Variants in KIAA1958 observed in about 807,000 individuals in gnomAD.
The protein encoded by KIAA1958 is KIAA1958.
In KIAA1958, 14 loss-of-function variants were observed where a neutral mutation model predicts 47.2. The observed-to-expected ratio is 0.30, with a 90% CI of 0.20 to 0.46. KIAA1958 has a LOEUF of 0.46. Ranked by LOEUF, KIAA1958 falls within the 20% of genes least tolerant of loss-of-function variation. KIAA1958 has a pLI of 1.00. For missense variants in KIAA1958, 803 were observed against 909.2 expected, an observed-to-expected ratio of 0.88 and a Z score of 1.50; for synonymous variants, 354 against 353.3, an observed-to-expected ratio of 1.00 and a Z score of -0.02.
intron 2 of KIAA1958, among the ~76,000 whole-genome samples, chr9:112,592,976 CTGTT>C (rs1289102406): frequency 2.0e-5 from 3 of 152,110 alleles, no homozygotes; most frequent in African/African-American, 4.8e-5. Context: ...AGAAAAAAAG[CTGTT>C]TGTTTTAGTA....
At chr9:112,575,288 C>T (rs886447992) in intron 2 of KIAA1958, 37 bp downstream of exon 2, 19 of 1,401,380 alleles carry the variant, frequency 1.4e-5, no homozygotes, top group East Asian at 2.3e-5. Flanking sequence ...CCCTCATCCA[C>T]GCACGCCAGA....
At chr9:112,578,055 G>T (rs985887015) in intron 2 of KIAA1958, among the ~76,000 whole-genome samples, 12 of 152,066 alleles carry the variant, frequency 7.9e-5, no homozygotes, top group Non-Finnish European at 1.2e-4. Context: ...CTCGGGAAGG[G>T]TATCATATTG....
In KIAA1958 at chr9:112,659,898, C is replaced by T. The variant is rs751874597; in HGVS notation, c.1980C>T (p.Ala660=). 1 of 1,614,160 alleles carries T rather than the reference C, an allele frequency of 6.2e-7. No individual in the cohort carries two copies. The highest frequency in any genetic ancestry group is 1.1e-5 in the South Asian group (1 of 91,070). Residue 660 remains alanine, a synonymous_variant, in exon 4 of 4, where the codon GCC becomes GCT. Transcript: ENST00000337530. ...TCTACCTGACTGCCAGGAAGGAGGC[C>T]ACAGACATGGGCAGCGTGTGGTATG... ...SPFYLTARKE[A]TDMGSVWYEE... is the part of the protein sequence containing the mutation.
intron 2 of KIAA1958, among the ~76,000 whole-genome samples, chr9:112,619,366 CAAGAG>C (rs1253764653): frequency 1.3e-5 from 2 of 152,088 alleles, no homozygotes; most frequent in Non-Finnish European, 2.9e-5. Context: ...CTATATTAAT[CAAGAG>C]GAGACATTAA....
In KIAA1958 at chr9:112,665,040, A is replaced by G. The variant is rs1369697860; in HGVS notation, c.*4971A>G. Reference sequence around the variant, plus strand: ...GTTGCGCTCAATTAAAGTGCTTATTATTTAGCTAAAACAACTTATATGGAA... The same window carrying G: ...GTTGCGCTCAATTAAAGTGCTTATTGTTTAGCTAAAACAACTTATATGGAA... On this transcript the variant is annotated 3_prime_UTR_variant, in exon 4 of 4. Coordinates refer to ENST00000337530, the MANE Select transcript of KIAA1958 (RefSeq NM_133465.4). 1 of 152,116 alleles carries G rather than the reference A, an allele frequency of 6.6e-6. No homozygotes were observed. Among genetic ancestry groups the G allele is most frequent in the Admixed American group, 6.5e-5 (1 of 15,280 alleles). The allele number at this position is 152,116 out of a possible 1,614,324, so 9.4% of individuals were successfully genotyped here. A position where few individuals can be genotyped will look rare whatever the true frequency, so the allele number is the denominator to read the frequency against.
At chr9:112,492,667 A>G (rs1195910581) in intron 1 of KIAA1958, among the ~76,000 whole-genome samples, 1 of 152,222 alleles carries the variant, frequency 6.6e-6, no homozygotes, top group African/African-American at 2.4e-5. Flanking sequence ...CATTAAAAAT[A>G]AAGTAGCTAA....
rs1376598138 is a variant in KIAA1958 at position 112,659,695 on chromosome 9, C to T, written c.1777C>T (p.Pro593Ser). 1 of 1,614,186 alleles carries T rather than the reference C, an allele frequency of 6.2e-7. No homozygotes were observed. The highest frequency in any genetic ancestry group is 1.1e-5 in the South Asian group (1 of 91,082). ...IELLKDPQNQ[P>S]YFARTDSVKR... The stretch of plus-strand genomic sequence containing the variant: ...GCTGCTCAAAGACCCCCAAAACCAG[C>T]CCTACTTTGCCCGGACGGACAGCGT... Residue 593 changes from proline to serine, a missense_variant, in exon 4 of 4, where the codon CCC becomes TCC. Transcript: ENST00000337530.
At chr9:112,488,045 G>T (rs1833899318) in intron 1 of KIAA1958, among the ~76,000 whole-genome samples, 1 of 151,688 alleles carries the variant, frequency 6.6e-6, no homozygotes, top group South Asian at 2.1e-4. Flanking sequence ...ATCCTCTCCC[G>T]ACGAAATAAA....
intron 2 of KIAA1958, among the ~76,000 whole-genome samples, chr9:112,604,898 A>T (rs982432340): frequency 6.8e-6 from 1 of 148,020 alleles, no homozygotes; most frequent in Non-Finnish European, 1.5e-5. Flanking sequence ...TATATATATA[A>T]TAAATATTTT....
chr9:112,579,706 T>A (rs1354196014), intron 2 of KIAA1958, among the ~76,000 whole-genome samples: 1 of 152,272 alleles, frequency 6.6e-6, no homozygotes, highest in East Asian at 1.9e-4. Flanking sequence ...CTAAGTCATT[T>A]AATATGCTTT....
At chr9:112,536,525 A>AG (rs1834857946) in intron 1 of KIAA1958, among the ~76,000 whole-genome samples, 1 of 152,198 alleles carries the variant, frequency 6.6e-6, no homozygotes, top group Non-Finnish European at 1.5e-5. Context: ...AAGGATGGGT[A>AG]AATAGACCAA....
rs1837295028 is a variant in KIAA1958 at position 112,662,539 on chromosome 9, A to C, written c.*2470A>C. 1 of 152,420 alleles carries C rather than the reference A, an allele frequency of 6.6e-6. No individual in the cohort carries two copies. Among genetic ancestry groups the C allele is most frequent in the Non-Finnish European group, 1.5e-5 (1 of 68,192 alleles). 9.4% of individuals were successfully genotyped at this position (152,420 alleles called of 1,614,324 possible). ...GGCCTGGCGCGTGGCTCACGCCTAT[A>C]ATCCCAGCACTTTGGGAGGCCAAGG... is the stretch of plus-strand genomic sequence containing the variant. On this transcript the variant is annotated 3_prime_UTR_variant, in exon 4 of 4. Transcript: ENST00000337530.
rs745805478 is a variant in KIAA1958 at position 112,560,198 on chromosome 9, C to CTTTTTTTTT, written c.-24-13858_-24-13850dup. ...TTGAAGCTGCTTTTTTTTTCTTTTT[C>CTTTTTTTTT]TTTTTTTTTCTTTTTTTGAAGAGAT... On this transcript the variant is annotated intron_variant, in intron 1 of 3. Transcript: ENST00000337530. 1.1e-4 allele frequency among the ~76,000 whole-genome samples: 12 copies of CTTTTTTTTT among 108,660 alleles called. 2 individuals carry two copies. The highest frequency in any genetic ancestry group is 2.4e-4 in the East Asian group (1 of 4,218). The allele number at this position is 108,660 out of a possible 152,430, so 71.3% of individuals were successfully genotyped here.
chr9:112,563,081 C>CTATATA (rs1357997391), intron 1 of KIAA1958, among the ~76,000 whole-genome samples: 106 of 78,724 alleles, frequency 1.3e-3, no homozygotes, highest in African/African-American at 5.7e-3. Flanking sequence ...CTCTCTCTCT[C>CTATATA]TCTCTATATA....
At chr9:112,615,379 C>T (rs894659132) in intron 2 of KIAA1958, among the ~76,000 whole-genome samples, 6 of 141,972 alleles carry the variant, frequency 4.2e-5, no homozygotes, top group Non-Finnish European at 9.0e-5. Context: ...AAGATCATGC[C>T]ATTGCACTCC....
In KIAA1958 at chr9:112,657,988, C is replaced by T. The variant is rs956511512; in HGVS notation, c.1345-1275C>T. Among the ~76,000 whole-genome samples, 3 of 152,162 alleles carry T rather than the reference C, an allele frequency of 2.0e-5. No individual in the cohort carries two copies. The South Asian group carries it at 6.2e-4, about 32-fold the overall frequency. ...TCTCCTGCCTCAGTCTCCCAAGTAG[C>T]TGGGACTACAGGCACACACAACCAT... On this transcript the variant is annotated intron_variant, in intron 3 of 3. Coordinates refer to ENST00000337530, the MANE Select transcript of KIAA1958 (RefSeq NM_133465.4).
intron 1 of KIAA1958, among the ~76,000 whole-genome samples, chr9:112,532,977 TA>T (rs928775122): frequency 6.8e-4 from 104 of 152,060 alleles, no homozygotes; most frequent in African/African-American, 2.3e-3. Flanking sequence ...TTTAAATGTA[TA>T]TTTTTTTTTC....
intron 2 of KIAA1958, among the ~76,000 whole-genome samples, chr9:112,638,284 C>T (rs535579789): frequency 2.6e-5 from 4 of 152,212 alleles, no homozygotes; most frequent in East Asian, 1.9e-4. Flanking sequence ...GCAGGCAAAT[C>T]GGTTGAAGCC....
At chr9:112,632,357 TATTTA>T (rs1164674150) in intron 2 of KIAA1958, among the ~76,000 whole-genome samples, 2 of 150,568 alleles carry the variant, frequency 1.3e-5, no homozygotes, top group Non-Finnish European at 2.9e-5. Context: ...TATGCACAAT[TATTTA>T]ATTATTCATC....
Sources: allele counts gnomAD v4.1 joint callset (sites outside exome capture counted in the v4.1 genomes callset), GRCh38; gene constraint gnomAD v4.1.1; transcripts MANE v1.5; gene names NCBI Gene and HGNC (gene_info 2026-07-23, HGNC 2026-07-21).